EYA1: variants seen among roughly 807,000 people sequenced by gnomAD.
EYA1 encodes EYA transcriptional coactivator and phosphatase 1, also known as protein phosphatase EYA1.
A neutral mutation model predicts 82.0 loss-of-function variants in EYA1; 16 were observed. The ratio of observed to expected loss-of-function variants is 0.20; its 90% CI spans 0.13 to 0.30. The LOEUF (loss-of-function observed/expected upper bound fraction) is 0.30. Among genes scored for constraint, EYA1 ranks in the 10% least tolerant of loss-of-function variants. The probability of loss-of-function intolerance (pLI) is 1.00; values close to 1 mark genes in which losing one functional copy is unlikely to be tolerated. For missense variants in EYA1, 633 were observed against 730.7 expected (o/e 0.87, Z 1.54); for synonymous variants, 261 against 264.4 (o/e 0.99, Z 0.12).
intron 10 of EYA1, among the ~76,000 whole-genome samples, chr8:71,271,432 T>C (rs952188520): frequency 6.6e-6 from 1 of 152,234 alleles, no homozygotes; most frequent in Non-Finnish European, 1.5e-5. Flanking sequence ...CAAGTATTTT[T>C]AGTATGACAC....
chr8:71,242,519 T>C (rs1812593835), intron 12 of EYA1, among the ~76,000 whole-genome samples: 1 of 152,176 alleles, frequency 6.6e-6, no homozygotes, highest in African/African-American at 2.4e-5. Context: ...CTGCTTTTTC[T>C]TTTTCTTTTG....
rs866922868 is a variant in EYA1, at chr8:71,460,727, G to A, written c.33+75017C>T. ...CCATTGTGGATTCTTCTTCCCTAAC[G>A]AAAAGTTTCCCAAACACTGCTGCCA... On this transcript the variant is annotated intron_variant, in intron 2 of 18. Transcript: ENST00000643681. Among the ~76,000 whole-genome samples, 252 of 152,258 alleles carry A rather than the reference G, an allele frequency of 1.7e-3. 1 individual carries two copies. The highest frequency in any genetic ancestry group is 5.8e-3 in the African/African-American group (239 of 41,554).
intron 2 of EYA1, among the ~76,000 whole-genome samples, chr8:71,427,501 T>C (rs1192504849): frequency 3.3e-5 from 5 of 152,232 alleles, no homozygotes; most frequent in African/African-American, 1.2e-4. Context: ...GTCTGAATTA[T>C]TAGTATTTCT....
chr8:71,346,430 G>GAA (rs991724765), intron 3 of EYA1, among the ~76,000 whole-genome samples: 13 of 67,456 alleles, frequency 1.9e-4, no homozygotes, highest in African/African-American at 7.4e-4. Flanking sequence ...TTACTGCAGT[G>GAA]AATATATATA....
chr8:71,338,022 C>T (rs889079146), intron 3 of EYA1, among the ~76,000 whole-genome samples: 49 of 152,290 alleles, frequency 3.2e-4, no homozygotes, highest in African/African-American at 1.0e-3. Flanking sequence ...GGTCCAGGGC[C>T]CATGCTTTTA....
intron 2 of EYA1, among the ~76,000 whole-genome samples, chr8:71,471,731 T>C (rs1339840268): frequency 2.6e-5 from 4 of 152,072 alleles, no homozygotes; most frequent in Non-Finnish European, 5.9e-5. Context: ...TCCCCTGATA[T>C]TGGGGTTGGC....
Position 71,339,274 on chromosome 8 carries a change from T to C in EYA1, c.125-5100A>G, listed in dbSNP as rs1824850730. ...TCCCATCCTAGGATGCTGTGTGGTC[T>C]CATTTCTCCTAGCATCTCTTTTTGC... On this transcript the variant is annotated intron_variant, in intron 3 of 17. Coordinates refer to ENST00000340726, the MANE Select transcript of EYA1 (RefSeq NM_000503.6). Among the ~76,000 whole-genome samples, 6 of 152,264 alleles carry C rather than the reference T, an allele frequency of 3.9e-5. No individual in the cohort carries two copies. The South Asian group carries it at 1.2e-3, about 32-fold the overall frequency.
intron 2 of EYA1, among the ~76,000 whole-genome samples, chr8:71,524,498 G>T (rs1261971549): frequency 6.6e-6 from 1 of 152,108 alleles, no homozygotes; most frequent in Non-Finnish European, 1.5e-5. Context: ...AATATGCAAA[G>T]CATAAAATTT....
chr8:71,199,926 C>G (rs1452180312), intron 17 of EYA1: 1 of 159,514 alleles, frequency 6.3e-6, no homozygotes. Context: ...ATGGCTTTAC[C>G]ATATGGAAAA....
intron 16 of EYA1, 121 bp downstream of exon 16, chr8:71,215,266 T>C: frequency 1.1e-6 from 1 of 950,568 alleles, no homozygotes; most frequent in Non-Finnish European, 1.6e-6. Flanking sequence ...GTTAAATTAT[T>C]CTTGTATTTT....
intron 2 of EYA1, among the ~76,000 whole-genome samples, chr8:71,412,697 A>G (rs1464722947): frequency 6.6e-6 from 1 of 152,240 alleles, no homozygotes; most frequent in Non-Finnish European, 1.5e-5. Flanking sequence ...GAGAGTTAAA[A>G]GAAAAAGAAC....
chr8:71,365,912 A>G (rs1827725630), upstream of EYA1, among the ~76,000 whole-genome samples: 1 of 152,242 alleles, frequency 6.6e-6, no homozygotes, highest in Non-Finnish European at 1.5e-5. Flanking sequence ...AATGTTTTCC[A>G]TTCAAACTCC....
In EYA1 at chr8:71,305,646, CAAATAAATAAAT is replaced by C. The variant is rs3086567; in HGVS notation, c.557-5938_557-5927del. Among the ~76,000 whole-genome samples the C allele has an allele frequency of 4.1e-5, 6 of 146,794 alleles. No homozygotes were observed. The Admixed American group carries it at 4.1e-4, about 10-fold the overall frequency. On this transcript the variant is annotated intron_variant, in intron 7 of 17. Coordinates refer to ENST00000340726, the MANE Select transcript of EYA1 (RefSeq NM_000503.6). The stretch of plus-strand genomic sequence containing the variant: ...GGGTGACAAGAGTGTAACTCTATCT[CAAATAAATAAAT>C]AAATAAATAAATAAATAATTGTTAA...
At chr8:71,320,435 TC>T (rs1476351425) in intron 6 of EYA1, among the ~76,000 whole-genome samples, 1 of 152,208 alleles carries the variant, frequency 6.6e-6, no homozygotes, top group East Asian at 1.9e-4. Flanking sequence ...TGGGAGCTGA[TC>T]CTTTTTCTTC....
At chr8:71,232,643 G>A (rs180706476) in intron 12 of EYA1, among the ~76,000 whole-genome samples, 55 of 152,218 alleles carry the variant, frequency 3.6e-4, no homozygotes, top group African/African-American at 1.2e-3. Flanking sequence ...CCTGGAGCAG[G>A]GGCATTTGCC....
intron 7 of EYA1, among the ~76,000 whole-genome samples, chr8:71,311,174 T>C (rs1354768436): frequency 6.6e-6 from 1 of 152,196 alleles, no homozygotes; most frequent in African/African-American, 2.4e-5. Context: ...CTATATTATA[T>C]GTGGAGTTAA....
intron 2 of EYA1, among the ~76,000 whole-genome samples, chr8:71,518,616 T>TA (rs1813162407): frequency 6.6e-6 from 1 of 152,130 alleles, no homozygotes; most frequent in Non-Finnish European, 1.5e-5. Context: ...AGATGAGACT[T>TA]AGAGAAATAA....
At chr8:71,406,748 T>C (rs1830261148) in intron 2 of EYA1, among the ~76,000 whole-genome samples, 1 of 150,840 alleles carries the variant, frequency 6.6e-6, no homozygotes, top group Non-Finnish European at 1.5e-5. Context: ...CGCTGATTGC[T>C]AGCACAGCAG....
chr8:71,327,693 G>C (rs1823315794), intron 4 of EYA1, among the ~76,000 whole-genome samples: 1 of 152,070 alleles, frequency 6.6e-6, no homozygotes, highest in Non-Finnish European at 1.5e-5. Flanking sequence ...GGAAGAGTGA[G>C]AGTGAGTCAC....
Sources: gnomAD v4.1 joint callset for allele counts (sites outside exome capture counted in the v4.1 genomes callset) on GRCh38, gnomAD v4.1.1 for gene constraint, MANE v1.5 for transcripts, NCBI Gene and HGNC (gene_info 2026-07-23, HGNC 2026-07-21) for gene names.